Variants in HMCN1 observed in about 807,000 individuals in gnomAD.
HMCN1 encodes hemicentin 1.
Under a neutral mutation model 625.9 loss-of-function variants are expected in HMCN1, and 321 were observed. The ratio of observed to expected loss-of-function variants is 0.51; its 90% CI spans 0.47 to 0.56. The LOEUF (loss-of-function observed/expected upper bound fraction) is 0.56. Ranked by LOEUF, HMCN1 falls within the 20% of genes least tolerant of loss-of-function variation. The pLI, the probability that HMCN1 is intolerant of heterozygous loss-of-function variation, is 0.00. For synonymous variants in HMCN1, 2,425 were observed against 2,417.6 expected (o/e 1.00, Z -0.09); for missense variants, 6,588 against 6,887.3 (o/e 0.96, Z 1.54).
chr1:186,091,032 CATT>C, intron 64 of HMCN1, 115 bp downstream of exon 64: 1 of 1,198,594 alleles, frequency 8.3e-7, no homozygotes, highest in Non-Finnish European at 1.2e-6. Context: ...ACTTAGCTAT[CATT>C]ATATTCACAA....
intron 97 of HMCN1, among the ~76,000 whole-genome samples, chr1:186,161,128 G>A (rs1651442204): frequency 6.6e-6 from 1 of 151,620 alleles, no homozygotes; most frequent in Admixed American, 6.6e-5. Context: ...TATATATTTA[G>A]GATAGTTAGC....
chr1:186,068,582 A>G (rs1380577894), intron 50 of HMCN1, among the ~76,000 whole-genome samples: 1 of 152,118 alleles, frequency 6.6e-6, no homozygotes, highest in African/African-American at 2.4e-5. Flanking sequence ...AATTCAAATG[A>G]AGAAGCTGGG....
rs564558622 is a variant in HMCN1, at chr1:186,136,429, TC to T, written c.13313-238del. ...AGAATTTGAATCCAGGAAACATGACTCTAGAGCCCATGCTCTAGGCTAATCT... is the reference window on the plus strand; with the variant it reads ...AGAATTTGAATCCAGGAAACATGACTTAGAGCCCATGCTCTAGGCTAATCT... On this transcript the variant is annotated intron_variant, in intron 86 of 106. Coordinates refer to ENST00000271588, the MANE Select transcript of HMCN1 (RefSeq NM_031935.3). 9.3e-4 allele frequency among the ~76,000 whole-genome samples: 142 copies of T among 152,198 alleles called. 1 individual carries two copies. The highest frequency in any genetic ancestry group is 6.8e-3 in the Middle Eastern group (2 of 292).
intron 1 of HMCN1, among the ~76,000 whole-genome samples, chr1:185,825,624 T>C (rs1002503051): frequency 2.6e-5 from 4 of 152,244 alleles, no homozygotes; most frequent in African/African-American, 9.6e-5. Context: ...ATTATATTTA[T>C]GTTACCTTTA....
rs766929366 is a variant in HMCN1, at chr1:186,023,151, A to G, written c.5747A>G (p.His1916Arg). The part of the protein sequence containing the change: ...ETQQHIQLHV[H>R]EPPSLEDAGK... Reference sequence around the variant, plus strand: ...CAACAGCACATTCAACTGCATGTTCATGGTAATGTAATTTCTACACCTTAA... The same window carrying G: ...CAACAGCACATTCAACTGCATGTTCGTGGTAATGTAATTTCTACACCTTAA... The change falls in exon 36 of 107, where the codon CAT becomes CGT. Residue 1916 changes from histidine (H) to arginine (R), a missense_variant and splice_region_variant. By Grantham distance (29) the His-to-Arg change is conservative. This residue lies in a region of HMCN1 where 4,628 missense variants were observed against 4,853.1 expected (regional missense o/e 0.95). Transcript: ENST00000271588. The G allele has an allele frequency of 8.7e-6, 14 of 1,612,776 alleles. No homozygotes were observed. Among genetic ancestry groups the G allele is most frequent in the South Asian group, 2.2e-5 (2 of 91,070 alleles).
Position 185,793,326 on chromosome 1 carries a change from G to T in HMCN1, c.269-52700G>T, listed in dbSNP as rs544635070. Among the ~76,000 whole-genome samples the T allele has an allele frequency of 9.2e-5, 14 of 152,284 alleles. No individual in the cohort carries two copies. The South Asian group carries it at 2.9e-3, about 32-fold the overall frequency. Reference sequence around the variant, plus strand: ...TCCTTGCCTTTCCCAGCTTTTAGATGTAACTTGCATTCCTTGGTTCTTGGT... The same window carrying T: ...TCCTTGCCTTTCCCAGCTTTTAGATTTAACTTGCATTCCTTGGTTCTTGGT... On this transcript the variant is annotated intron_variant, in intron 1 of 106. Transcript: ENST00000271588.
chr1:185,984,539 G>T (rs1424870166), intron 19 of HMCN1, among the ~76,000 whole-genome samples: 1 of 152,074 alleles, frequency 6.6e-6, no homozygotes, highest in Non-Finnish European at 1.5e-5. Flanking sequence ...CTGGCCAAGG[G>T]GTTTTGTAAG....
intron 1 of HMCN1, among the ~76,000 whole-genome samples, chr1:185,776,246 G>A (rs976838334): frequency 4.0e-5 from 6 of 151,600 alleles, no homozygotes; most frequent in Non-Finnish European, 8.8e-5. Context: ...TGTCTCTCTT[G>A]TGCACTTAAT....
intron 52 of HMCN1, 92 bp downstream of exon 52, chr1:186,070,849 G>A: frequency 7.9e-7 from 1 of 1,270,912 alleles, no homozygotes; most frequent in East Asian, 2.4e-5. Context: ...AAGTGACTCA[G>A]AGAATCAATG....
At chr1:186,125,975 GA>G (rs1341567937) in intron 82 of HMCN1, among the ~76,000 whole-genome samples, 181 bp downstream of exon 82, 1 of 152,036 alleles carries the variant, frequency 6.6e-6, no homozygotes, top group Non-Finnish European at 1.5e-5. Context: ...ATATTTAACA[GA>G]CGATAGGAAC....
intron 30 of HMCN1, among the ~76,000 whole-genome samples, chr1:186,007,750 C>G (rs1189750618): frequency 1.3e-5 from 2 of 152,114 alleles, no homozygotes; most frequent in Non-Finnish European, 2.9e-5. Context: ...TGTTTTCTCC[C>G]AGCTATGTCC....
At chr1:185,985,918 T>C (rs1651969827) in intron 19 of HMCN1, among the ~76,000 whole-genome samples, 1 of 152,192 alleles carries the variant, frequency 6.6e-6, no homozygotes, top group African/African-American at 2.4e-5. Context: ...TTTATATAGA[T>C]TGACAATCTG....
chr1:186,016,088 A>G lies in HMCN1; in HGVS notation c.5040A>G (p.Val1680=), dbSNP rs574427958. 2.4e-5 allele frequency: 38 copies of G among 1,613,518 alleles called. No homozygotes were observed. In the South Asian group the frequency reaches 4.1e-4, roughly 17 times the overall value. The part of the protein sequence containing the change: ...SPILTWLKDG[V]PVKANDNIRI... ...TTCTCACCTGGTTGAAAGATGGTGTACCTGTGAAAGCTAATGACAATATCC... is the reference window on the plus strand; with the variant it reads ...TTCTCACCTGGTTGAAAGATGGTGTGCCTGTGAAAGCTAATGACAATATCC... The change falls in exon 32 of 107, where the codon GTA becomes GTG. Residue 1680 remains valine, a synonymous_variant. Coordinates refer to ENST00000271588, the MANE Select transcript of HMCN1 (RefSeq NM_031935.3).
intron 1 of HMCN1, among the ~76,000 whole-genome samples, chr1:185,752,760 G>A (rs2102098387): frequency 1.3e-5 from 2 of 152,194 alleles, no homozygotes; most frequent in South Asian, 4.1e-4. Context: ...TCTTTACCAA[G>A]TATTCAAGGA....
At position 186,115,502 on chromosome 1, in the gene HMCN1, A is replaced by G. The variant is rs113729772; in HGVS notation, c.11561+88A>G. On this transcript the variant is annotated intron_variant, in intron 75 of 106. Transcript: ENST00000271588. ...AATTCTATCAGTGGGGTCAGCAAAT[A>G]TATAGACTATAACAAATTAGCTAGC... 5,925 of 1,203,794 alleles carry G rather than the reference A, an allele frequency of 4.9e-3. 127 individuals carry two copies. Among genetic ancestry groups the G allele is most frequent in the South Asian group, 0.037 (2,935 of 78,824 alleles). 74.6% of individuals were successfully genotyped at this position (1,203,794 alleles called of 1,614,324 possible). A position where few individuals can be genotyped will look rare whatever the true frequency, so the allele number is the denominator to read the frequency against.
At chr1:185,804,579 A>C (rs1439774356) in intron 1 of HMCN1, among the ~76,000 whole-genome samples, 1 of 152,058 alleles carries the variant, frequency 6.6e-6, no homozygotes, top group African/African-American at 2.4e-5. Flanking sequence ...ATTTTTAAAA[A>C]CAGGTTTAGG....
chr1:186,152,631 A>T (rs1650746222), intron 95 of HMCN1, 119 bp from the exon 96 acceptor site: 2 of 1,182,658 alleles, frequency 1.7e-6, no homozygotes, highest in Admixed American at 3.4e-5. Context: ...CTCATCATCT[A>T]TACTTATTCA....
chr1:185,828,468 A>G (rs1337245372), intron 1 of HMCN1, among the ~76,000 whole-genome samples: 1 of 152,170 alleles, frequency 6.6e-6, no homozygotes, highest in Non-Finnish European at 1.5e-5. Flanking sequence ...ATATAGAAAC[A>G]TATTAGAGTA....
chr1:185,987,467 A>C lies in HMCN1; in HGVS notation c.2971A>C (p.Ser991Arg). Residue 991 changes from serine to arginine, a missense_variant, in exon 20 of 107, where the codon AGT becomes CGT. Physicochemically the swap from Ser to Arg is moderately radical, Grantham distance 110. Coordinates refer to ENST00000271588, the MANE Select transcript of HMCN1 (RefSeq NM_031935.3). ...CATTCAGCATGGGCAGCAGATACTC[A>C]GTACAATTGAAGGCATTCCAGTAAC... ...PTIQHGQQIL[S>R]TIEGIPVTLP... 6.2e-7 allele frequency: 1 copy of C among 1,613,884 alleles called. No individual in the cohort carries two copies. The highest frequency in any genetic ancestry group is 8.5e-7 in the Non-Finnish European group (1 of 1,179,726).
Sources: gnomAD v4.1 joint callset for allele counts (sites outside exome capture counted in the v4.1 genomes callset) on GRCh38, gnomAD v4.1.1 for gene constraint, gnomAD v4.1.1 regional missense constraint, MANE v1.5 for transcripts, NCBI Gene and HGNC (gene_info 2026-07-23, HGNC 2026-07-21) for gene names.